Variants in EHHADH observed in about 807,000 individuals in gnomAD.
The protein encoded by EHHADH is peroxisomal bifunctional enzyme.
Under a neutral mutation model 64.4 loss-of-function variants are expected in EHHADH, and 48 were observed. The ratio of observed to expected loss-of-function variants is 0.75; its 90% CI spans 0.59 to 0.95. The LOEUF (loss-of-function observed/expected upper bound fraction) is 0.95, where lower values mean the gene tolerates loss of function less well. Among genes scored for constraint, EHHADH ranks in the 40% least tolerant of loss-of-function variants. EHHADH has a pLI of 0.00. For synonymous variants in EHHADH, 308 were observed against 326.7 expected (o/e 0.94, Z 0.62); for missense variants, 854 against 876.6 (o/e 0.97, Z 0.33).
intron 4 of EHHADH, 73 bp downstream of exon 4, chr3:185,229,359 G>T: frequency 1.0e-6 from 1 of 991,916 alleles, no homozygotes; most frequent in Non-Finnish European, 1.3e-6. Context: ...AGGTGGTCAA[G>T]CCAGAATTTT....
chr3:185,205,448 C>A (rs1182132562), intron 5 of EHHADH, among the ~76,000 whole-genome samples: 1 of 152,116 alleles, frequency 6.6e-6, no homozygotes, highest in Non-Finnish European at 1.5e-5. Flanking sequence ...GAAAAGGAGA[C>A]AGCGTGGTAT....
Position 185,194,800 on chromosome 3 carries a change from CAAAAAAAAAAA to C in EHHADH, c.911-1324_911-1314del, listed in dbSNP as rs34093153. Among the ~76,000 whole-genome samples the C allele has an allele frequency of 6.2e-3, 182 of 29,316 alleles. 13 individuals carry two copies. The highest frequency in any genetic ancestry group is 0.029 in the South Asian group (13 of 448). 19.2% of individuals were successfully genotyped at this position (29,316 alleles called of 152,430 possible). ...TATGTGACAGAGTGAGACCCTGTCT[CAAAAAAAAAAA>C]AAAAAAAAAAAAAAAAAGAAGCCTA... is the stretch of plus-strand genomic sequence containing the variant. On this transcript the variant is annotated intron_variant, in intron 6 of 6. Transcript: ENST00000231887.
At chr3:185,198,765 G>A (rs1182073910) in intron 6 of EHHADH, among the ~76,000 whole-genome samples, 2 of 151,980 alleles carry the variant, frequency 1.3e-5, no homozygotes, top group Admixed American at 6.6e-5. Flanking sequence ...ACAAAGAATT[G>A]CTTGAAACTG....
At chr3:185,217,858 G>A (rs1362106930) in intron 5 of EHHADH, among the ~76,000 whole-genome samples, 2 of 150,876 alleles carry the variant, frequency 1.3e-5, no homozygotes, top group Non-Finnish European at 2.9e-5. Flanking sequence ...TCCGCCTCCC[G>A]GGTTCACGCC....
At position 185,254,046 on chromosome 3, in the gene EHHADH, C is replaced by T. The variant is rs765226200; in HGVS notation, c.-24G>A. The T allele has an allele frequency of 6.2e-7, 1 of 1,610,154 alleles. No homozygotes were observed. Among genetic ancestry groups the T allele is most frequent in the South Asian group, 1.1e-5 (1 of 90,936 alleles). ...ATGTTTCCTCTATCACCGAGGGCAC[C>T]TCTGCCTCTCGCCGTCAGGCAAACC... On this transcript the variant is annotated 5_prime_UTR_variant, in exon 1 of 7. Transcript: ENST00000231887.
chr3:185,245,203 C>A lies in EHHADH; in HGVS notation c.178+3211G>T, dbSNP rs771081895. Among the ~76,000 whole-genome samples, 29 of 152,138 alleles carry A rather than the reference C, an allele frequency of 1.9e-4. 1 individual carries two copies. The highest frequency in any genetic ancestry group is 4.8e-4 in the African/African-American group (20 of 41,504). On this transcript the variant is annotated intron_variant, in intron 2 of 6. Transcript: ENST00000231887. ...TAACTTTAATTTATCTTGTATTTTACAGAAGTCTATGAACGATTTTAAAAA... is the reference window on the plus strand; with the variant it reads ...TAACTTTAATTTATCTTGTATTTTAAAGAAGTCTATGAACGATTTTAAAAA...
intron 2 of EHHADH, chr3:185,245,579 A>G (rs1279475430): frequency 2.5e-5 from 20 of 787,884 alleles, no homozygotes; most frequent in South Asian, 4.3e-5. Flanking sequence ...TAAGAGTTGC[A>G]TGTCCTTCTG....
intron 4 of EHHADH, among the ~76,000 whole-genome samples, chr3:185,226,100 ACCACTTGG>A (rs1311472158): frequency 6.6e-6 from 1 of 152,174 alleles, no homozygotes; most frequent in Non-Finnish European, 1.5e-5. Flanking sequence ...AGCAAGTCTA[ACCACTTGG>A]TATTCAAGCT....
chr3:185,214,610 A>T (rs1307964172), intron 5 of EHHADH, among the ~76,000 whole-genome samples: 2 of 152,212 alleles, frequency 1.3e-5, no homozygotes, highest in Non-Finnish European at 2.9e-5. Flanking sequence ...AATTTGTTAC[A>T]TCGCCTTATA....
At chr3:185,252,546 T>C (rs1033353124) in intron 1 of EHHADH, among the ~76,000 whole-genome samples, 9 of 152,158 alleles carry the variant, frequency 5.9e-5, no homozygotes, top group African/African-American at 2.2e-4. Flanking sequence ...CAGTCCAAAA[T>C]TGACATGTAA....
At chr3:185,204,337 C>T (rs1430495115) in intron 6 of EHHADH, 79 bp downstream of exon 6, 2 of 1,304,116 alleles carry the variant, frequency 1.5e-6, no homozygotes, top group East Asian at 4.7e-5. Context: ...TGAAACCTAG[C>T]ATCCGGTAGC....
Position 185,192,539 on chromosome 3 carries a change from A to C in EHHADH, c.1859T>G (p.Leu620Arg). ...GATAAGTGAATATAAGCAGCGTTCAAGGATCTCATCCTGGCTAATGGTACG... is the reference window on the plus strand; with the variant it reads ...GATAAGTGAATATAAGCAGCGTTCACGGATCTCATCCTGGCTAATGGTACG... ...EPRTISQDEILERCLYSLINE... is the reference protein window; with the variant it reads ...EPRTISQDEIRERCLYSLINE... Residue 620 changes from leucine to arginine, a missense_variant, in exon 7 of 7, where the codon CTT (leucine) becomes CGT (arginine). By Grantham distance (102) the Leu-to-Arg change is moderately radical. Transcript: ENST00000231887. 1 of 1,614,230 alleles carries C rather than the reference A, an allele frequency of 6.2e-7. No homozygotes were observed. The highest frequency in any genetic ancestry group is 1.6e-4 in the Middle Eastern group (1 of 6,062).
At chr3:185,197,744 C>T (rs1009785256) in intron 6 of EHHADH, among the ~76,000 whole-genome samples, 22 of 152,114 alleles carry the variant, frequency 1.4e-4, no homozygotes, top group African/African-American at 5.1e-4. Flanking sequence ...GTGAGTAATG[C>T]TATTATGAAC....
chr3:185,228,859 A>G (rs777695051), intron 4 of EHHADH, among the ~76,000 whole-genome samples: 3 of 151,734 alleles, frequency 2.0e-5, no homozygotes, highest in African/African-American at 7.3e-5. Flanking sequence ...GCTGGAGTGC[A>G]GTGGCGTAGT....
Position 185,204,764 on chromosome 3 carries a change from G to A in EHHADH, c.569-7C>T. On this transcript the variant is annotated splice_polypyrimidine_tract_variant and splice_region_variant and intron_variant, in intron 5 of 6. Coordinates refer to ENST00000231887, the MANE Select transcript of EHHADH (RefSeq NM_001966.4). ...CGGGATTCTAGAGGTTGATCTGAAA[G>A]GAATAAGAAGGATCAGAGCTTTGGA... 1.3e-6 allele frequency: 2 copies of A among 1,586,170 alleles called. No individual in the cohort carries two copies. The highest frequency in any genetic ancestry group is 1.7e-6 in the Non-Finnish European group (2 of 1,161,552).
chr3:185,248,503 C>CGGAGTAAA lies in EHHADH; in HGVS notation c.81_88dup (p.Arg30LeufsTer6). On this transcript the variant is annotated frameshift_variant, in exon 2 of 7. Coordinates refer to ENST00000231887, the MANE Select transcript of EHHADH (RefSeq NM_001966.4). LOFTEE classifies it high-confidence loss of function. ...TTTCTGTAGTCCTTCTTTTATGTCA[C>CGGAGTAAA]GGAGTAAAGTCGTACTAAAAGAAAA... 2 of 1,610,262 alleles carry CGGAGTAAA rather than the reference C, an allele frequency of 1.2e-6. No homozygotes were observed. The highest frequency in any genetic ancestry group is 2.2e-5 in the South Asian group (2 of 90,466).
intron 6 of EHHADH, among the ~76,000 whole-genome samples, chr3:185,199,962 G>A (rs1718179219): frequency 6.6e-6 from 1 of 152,176 alleles, no homozygotes; most frequent in Non-Finnish European, 1.5e-5. Flanking sequence ...AACAGAGACT[G>A]TATGGCCCAC....
At chr3:185,206,049 C>T (rs965227643) in intron 5 of EHHADH, among the ~76,000 whole-genome samples, 1 of 151,846 alleles carries the variant, frequency 6.6e-6, no homozygotes, top group Non-Finnish European at 1.5e-5. Flanking sequence ...CAAGTGTGGG[C>T]TACACTGCAC....
intron 3 of EHHADH, among the ~76,000 whole-genome samples, chr3:185,234,054 A>C (rs1256596786): frequency 6.6e-6 from 1 of 152,200 alleles, no homozygotes; most frequent in African/African-American, 2.4e-5. Flanking sequence ...GTTATTTCTG[A>C]ACTGTGAGTT....
Sources: gnomAD v4.1 joint callset for allele counts (sites outside exome capture counted in the v4.1 genomes callset) on GRCh38, gnomAD v4.1.1 for gene constraint, MANE v1.5 for transcripts, NCBI Gene and HGNC (gene_info 2026-07-23, HGNC 2026-07-21) for gene names.